SEC24B: variants seen among roughly 807,000 people sequenced by gnomAD.
SEC24B encodes the protein protein transport protein Sec24B.
SEC24B carries 45 observed loss-of-function variants against 142.8 expected under a neutral mutation model. The observed-to-expected ratio is 0.32, with a 90% CI of 0.25 to 0.40. SEC24B has a LOEUF of 0.40. SEC24B is among the 10% of genes least tolerant of loss of function. The pLI, the probability that SEC24B is intolerant of heterozygous loss-of-function variation, is 1.00. For synonymous variants in SEC24B, 574 were observed against 568.2 expected, an observed-to-expected ratio of 1.01 and a Z score of -0.15; for missense variants, 1,409 against 1,526.8, an observed-to-expected ratio of 0.92 and a Z score of 1.29.
At chr4:109,494,231 A>G (rs1443370738) in intron 5 of SEC24B, among the ~76,000 whole-genome samples, 1 of 152,080 alleles carries the variant, frequency 6.6e-6, no homozygotes, top group Non-Finnish European at 1.5e-5. Context: ...GAGGTAGAAA[A>G]ATCTCTTGAG....
At chr4:109,459,642 G>A (rs1000021036) in intron 1 of SEC24B, among the ~76,000 whole-genome samples, 1 of 152,130 alleles carries the variant, frequency 6.6e-6, no homozygotes, top group Non-Finnish European at 1.5e-5. Flanking sequence ...TGATAGGCTA[G>A]AAAGTAAATA....
intron 5 of SEC24B, among the ~76,000 whole-genome samples, chr4:109,493,025 G>T (rs929148064): frequency 2.0e-5 from 3 of 151,014 alleles, no homozygotes; most frequent in Admixed American, 6.6e-5. Flanking sequence ...CAGCGCCATT[G>T]TTTTTTTTTA....
intron 9 of SEC24B, 31 bp downstream of exon 9, chr4:109,512,114 T>C (rs896080215): frequency 4.5e-6 from 7 of 1,560,926 alleles, no homozygotes; most frequent in Admixed American, 4.2e-5. Context: ...TGTGTTTTAA[T>C]CCTATTTTCA....
chr4:109,518,386 A>C (rs922436364), intron 11 of SEC24B, among the ~76,000 whole-genome samples: 1 of 152,190 alleles, frequency 6.6e-6, no homozygotes, highest in African/African-American at 2.4e-5. Flanking sequence ...AGAGTGGTTC[A>C]CTACTGCAGT....
chr4:109,539,677 G>A lies in SEC24B; in HGVS notation c.*2G>A. On this transcript the variant is annotated 3_prime_UTR_variant, in exon 24 of 24. Coordinates refer to ENST00000265175, the MANE Select transcript of SEC24B (RefSeq NM_006323.5). ...GTTCAGCAGCAGATTTGTAAGTGAA[G>A]TAGAATAAAATTGAATAAGAAAAAG... 1 of 1,573,296 alleles carries A rather than the reference G, an allele frequency of 6.4e-7. No individual in the cohort carries two copies. The highest frequency in any genetic ancestry group is 8.7e-7 in the Non-Finnish European group (1 of 1,144,030).
intron 2 of SEC24B, among the ~76,000 whole-genome samples, chr4:109,472,267 G>T (rs1215150321): frequency 3.3e-5 from 5 of 152,054 alleles, no homozygotes; most frequent in Non-Finnish European, 7.4e-5. Flanking sequence ...TTTGCCATAG[G>T]TTTTTCAGTT....
intron 6 of SEC24B, among the ~76,000 whole-genome samples, chr4:109,495,581 C>T (rs1735456284): frequency 6.6e-6 from 1 of 152,160 alleles, no homozygotes; most frequent in African/African-American, 2.4e-5. Context: ...GAGGCAATGT[C>T]TTATTTACCT....
intron 16 of SEC24B, among the ~76,000 whole-genome samples, 161 bp downstream of exon 16, chr4:109,525,665 C>A (rs1426451622): frequency 6.6e-6 from 1 of 151,874 alleles, no homozygotes; most frequent in Non-Finnish European, 1.5e-5. Context: ...TAATCCTTGC[C>A]CAATTTTTAA....
intron 11 of SEC24B, among the ~76,000 whole-genome samples, chr4:109,519,414 AAG>A (rs1723362080): frequency 6.6e-6 from 1 of 152,252 alleles, no homozygotes; most frequent in African/African-American, 2.4e-5. Flanking sequence ...GTAAAAGAAA[AAG>A]AAAGTGACAG....
rs765306034 is a variant in SEC24B at position 109,463,528 on chromosome 4, T to C, written c.761T>C (p.Leu254Pro). The C allele has an allele frequency of 6.2e-7, 1 of 1,614,122 alleles. No homozygotes were observed. The highest frequency in any genetic ancestry group is 1.1e-5 in the South Asian group (1 of 91,084). ...PSQQHHQQQS[L>P]SGYSTLTWSS... Reference sequence around the variant, plus strand: ...CAACAGCACCACCAGCAGCAAAGTCTTTCAGGATACAGTACTCTAACGTGG... The same window carrying C: ...CAACAGCACCACCAGCAGCAAAGTCCTTCAGGATACAGTACTCTAACGTGG... The change falls in exon 2 of 24, where the codon CTT becomes CCT. Residue 254 changes from leucine to proline, a missense_variant. Around this residue, in one of 2 missense-constraint regions of SEC24B, gnomAD observed 709 missense variants for 673.5 expected, o/e 1.05. Coordinates refer to ENST00000265175, the MANE Select transcript of SEC24B (RefSeq NM_006323.5).
chr4:109,532,664 T>A lies in SEC24B; in HGVS notation c.3416T>A (p.Ile1139Asn). 6.2e-7 allele frequency: 1 copy of A among 1,613,544 alleles called. No individual in the cohort carries two copies. Among genetic ancestry groups the A allele is most frequent in the Non-Finnish European group, 8.5e-7 (1 of 1,179,510 alleles). ...DEGAVHVNDRIVPQPPLQKLS... is the reference protein window; with the variant it reads ...DEGAVHVNDRNVPQPPLQKLS... ...GGTGCAGTACATGTTAATGACAGGA[T>A]TGTACCACAGCCACCTCTTCAAAAA... The change falls in exon 21 of 24, where the codon ATT becomes AAT. Residue 1139 changes from isoleucine to asparagine, a missense_variant. By Grantham distance (149) the Ile-to-Asn change is moderately radical. Around this residue, in one of 2 missense-constraint regions of SEC24B, gnomAD observed 700 missense variants for 853.3 expected, o/e 0.82. Coordinates refer to ENST00000265175, the MANE Select transcript of SEC24B (RefSeq NM_006323.5).
Position 109,442,295 on chromosome 4 carries a change from A to G in SEC24B, c.133+8293A>G, listed in dbSNP as rs73838598. On this transcript the variant is annotated intron_variant, in intron 1 of 23. Coordinates refer to ENST00000265175, the MANE Select transcript of SEC24B (RefSeq NM_006323.5). ...ACTCCTTCAGCTGCGGATTATGAGAAGGTTTGGGCTAGCATGGTGGGGTAA... is the reference window on the plus strand; with the variant it reads ...ACTCCTTCAGCTGCGGATTATGAGAGGGTTTGGGCTAGCATGGTGGGGTAA... 5.6e-3 allele frequency among the ~76,000 whole-genome samples: 846 copies of G among 152,264 alleles called. 16 individuals carry two copies. Among genetic ancestry groups the G allele is most frequent in the African/African-American group, 0.019 (801 of 41,542 alleles).
intron 1 of SEC24B, among the ~76,000 whole-genome samples, chr4:109,447,366 T>G (rs895646636): frequency 6.6e-6 from 1 of 152,158 alleles, no homozygotes; most frequent in Non-Finnish European, 1.5e-5. Context: ...AGGTATCACA[T>G]ACTCACTTGA....
At chr4:109,457,278 A>G (rs1730782473) in intron 1 of SEC24B, among the ~76,000 whole-genome samples, 2 of 152,232 alleles carry the variant, frequency 1.3e-5, no homozygotes, top group Admixed American at 1.3e-4. Flanking sequence ...TATGAAGTCT[A>G]GAAGTCTGAA....
intron 19 of SEC24B, among the ~76,000 whole-genome samples, chr4:109,530,718 A>G (rs1426081448): frequency 6.6e-6 from 1 of 151,818 alleles, no homozygotes; most frequent in Non-Finnish European, 1.5e-5. Flanking sequence ...CCTGGCCAAC[A>G]TAGTGAAACC....
At position 109,434,021 on chromosome 4, in the gene SEC24B, G is replaced by A; in HGVS notation, c.133+19G>A. 8.9e-7 allele frequency: 1 copy of A among 1,118,234 alleles called. No homozygotes were observed. Among genetic ancestry groups the A allele is most frequent in the Non-Finnish European group, 1.1e-6 (1 of 916,834 alleles). The allele number at this position is 1,118,234 out of a possible 1,614,324, so 69.3% of individuals were successfully genotyped here. On this transcript the variant is annotated intron_variant, in intron 1 of 23. Transcript: ENST00000265175. ...CAGAACGGTGAGGCGGGCGGCCCGG[G>A]CGGAGCGCGGGGCCTAGCACCGGCT...
At chr4:109,489,615 T>C (rs1734777918) in intron 4 of SEC24B, among the ~76,000 whole-genome samples, 1 of 140,788 alleles carries the variant, frequency 7.1e-6, no homozygotes, top group Non-Finnish European at 1.5e-5. Context: ...ATATATATTA[T>C]ATATTATAAT....
At chr4:109,485,717 T>C (rs1448707404) in intron 4 of SEC24B, among the ~76,000 whole-genome samples, 1 of 152,254 alleles carries the variant, frequency 6.6e-6, no homozygotes, top group Non-Finnish European at 1.5e-5. Context: ...ATTTATTTCA[T>C]ATGTACAGAG....
At chr4:109,438,320 T>G (rs1578740913) in intron 1 of SEC24B, among the ~76,000 whole-genome samples, 1 of 152,196 alleles carries the variant, frequency 6.6e-6, no homozygotes, top group Admixed American at 6.5e-5. Context: ...GTTTATTTAT[T>G]TATTTATTTT....
Sources: gnomAD v4.1 joint callset for allele counts (sites outside exome capture counted in the v4.1 genomes callset) on GRCh38, gnomAD v4.1.1 for gene constraint, gnomAD v4.1.1 regional missense constraint, MANE v1.5 for transcripts, NCBI Gene and HGNC (gene_info 2026-07-23, HGNC 2026-07-21) for gene names.